The following SLC37A3 variants were observed in gnomAD, a reference collection of about 807,000 sequenced individuals.
The protein encoded by SLC37A3 is solute carrier family 37 member 3, also known as sugar phosphate exchanger 3.
A neutral mutation model predicts 67.1 loss-of-function variants in SLC37A3; 51 were observed. The observed-to-expected ratio is 0.76, with a 90% confidence interval of 0.61 to 0.96. The LOEUF is 0.96. Ranked by LOEUF, SLC37A3 falls within the 40% of genes least tolerant of loss-of-function variation. The pLI, the probability that SLC37A3 is intolerant of heterozygous loss-of-function variation, is 0.00. For synonymous variants in SLC37A3, 214 were observed against 231.4 expected (o/e 0.92, Z 0.68); for missense variants, 508 against 603.0 (o/e 0.84, Z 1.65).
chr7:140,350,734 A>T (rs1796759329), intron 9 of SLC37A3, among the ~76,000 whole-genome samples: 1 of 152,204 alleles, frequency 6.6e-6, no homozygotes, highest in Non-Finnish European at 1.5e-5. Context: ...ACTGCACTCC[A>T]GCCTGGGTGA....
intron 6 of SLC37A3, 127 bp from the exon 7 acceptor site, chr7:140,355,891 T>C: frequency 1.3e-6 from 1 of 751,940 alleles, no homozygotes; most frequent in Non-Finnish European, 2.2e-6. Flanking sequence ...ATTTAAAAAG[T>C]TTTTAAAAAT....
At chr7:140,342,969 C>T (rs1796415699) in intron 13 of SLC37A3, among the ~76,000 whole-genome samples, 1 of 152,148 alleles carries the variant, frequency 6.6e-6, no homozygotes, top group African/African-American at 2.4e-5. Flanking sequence ...AGTCCATGGC[C>T]ATGTCTGGCG....
intron 6 of SLC37A3, among the ~76,000 whole-genome samples, chr7:140,356,763 A>G (rs1053726796): frequency 6.6e-6 from 1 of 152,194 alleles, no homozygotes; most frequent in Non-Finnish European, 1.5e-5. Flanking sequence ...TAAAGTCACA[A>G]TGCGATATCA....
rs185011725 is a variant in SLC37A3 at position 140,371,221 on chromosome 7, G to A, written c.199-1539C>T. On this transcript the variant is annotated intron_variant, in intron 3 of 14. Coordinates refer to ENST00000326232, the MANE Select transcript of SLC37A3 (RefSeq NM_207113.3). ...GACAGAGTCTCACTCTGTTGCCCAG[G>A]TTAGAGGGCAGTGGCACAATCTTGG... Among the ~76,000 whole-genome samples the A allele has an allele frequency of 3.0e-3, 460 of 152,162 alleles. 1 individual carries two copies. The highest frequency in any genetic ancestry group is 0.01 in the African/African-American group (432 of 41,516).
intron 2 of SLC37A3, 93 bp downstream of exon 2, chr7:140,382,345 A>ATT (rs1791167362): frequency 1.0e-6 from 1 of 991,956 alleles, no homozygotes; most frequent in African/African-American, 1.6e-5. Context: ...TTATAAGTGT[A>ATT]TGCCCATCAG....
intron 7 of SLC37A3, 124 bp downstream of exon 7, chr7:140,355,543 TG>T (rs764707454): frequency 8.0e-6 from 7 of 870,936 alleles, no homozygotes; most frequent in Non-Finnish European, 1.2e-5. Flanking sequence ...ATACAAGCCT[TG>T]CCCTATCCAG....
rs558974013 is a variant in SLC37A3 at position 140,351,274 on chromosome 7, G to A, written c.881C>T (p.Pro294Leu). 962 of 1,613,690 alleles carry A rather than the reference G, an allele frequency of 6.0e-4. 14 individuals are homozygous for A. The South Asian group carries it at 8.1e-3, about 14-fold the overall frequency. ...YQACCLPGVI[P>L]YSLAYACLKL... ...TGGTAAGATGTAAGCGGTCCTTACCGGTATGACTCCAGGAAGGCAACATGC... is the reference window on the plus strand; with the variant it reads ...TGGTAAGATGTAAGCGGTCCTTACCAGTATGACTCCAGGAAGGCAACATGC... Residue 294 changes from proline (P) to leucine (L), a missense_variant and splice_region_variant, in exon 9 of 15, where the codon CCG (proline) becomes CTG (leucine). Physicochemically the swap from Pro to Leu is moderately conservative, Grantham distance 98 (BLOSUM62 -3). Coordinates refer to ENST00000326232, the MANE Select transcript of SLC37A3 (RefSeq NM_207113.3).
At chr7:140,367,245 T>C (rs1797638977) in intron 4 of SLC37A3, among the ~76,000 whole-genome samples, 1 of 152,102 alleles carries the variant, frequency 6.6e-6, no homozygotes, top group African/African-American at 2.4e-5. Flanking sequence ...GAGACCAGCC[T>C]GGCCAACACG....
At chr7:140,368,553 G>A (rs552184875) in intron 4 of SLC37A3, among the ~76,000 whole-genome samples, 1 of 151,958 alleles carries the variant, frequency 6.6e-6, no homozygotes, top group East Asian at 1.9e-4. Flanking sequence ...GGCGACAAGT[G>A]CAAAACTCTG....
Position 140,335,323 on chromosome 7 carries a change from G to C in SLC37A3, c.*89C>G. The C allele has an allele frequency of 6.2e-7, 1 of 1,614,126 alleles. No homozygotes were observed. The highest frequency in any genetic ancestry group is 2.2e-5 in the East Asian group (1 of 44,868). On this transcript the variant is annotated 3_prime_UTR_variant, in exon 15 of 15. Coordinates refer to ENST00000326232, the MANE Select transcript of SLC37A3 (RefSeq NM_207113.3). ...CCTGACAATCCAAGATCAGGCTGGA[G>C]CTCCTAGACAAACCCAAATTAGGGC...
At chr7:140,354,499 A>G (rs1026427570) in intron 7 of SLC37A3, among the ~76,000 whole-genome samples, 4 of 152,070 alleles carry the variant, frequency 2.6e-5, no homozygotes, top group African/African-American at 9.7e-5. Flanking sequence ...ATAAGAACAG[A>G]GATTTTTGTC....
intron 14 of SLC37A3, 31 bp from the exon 15 acceptor site, chr7:140,335,535 G>C: frequency 6.2e-7 from 1 of 1,604,820 alleles, no homozygotes; most frequent in East Asian, 2.2e-5. Flanking sequence ...TAAATATGCA[G>C]CAACAGTTTA....
At position 140,382,587 on chromosome 7, in the gene SLC37A3, T is replaced by C; in HGVS notation, c.-61A>G. The C allele has an allele frequency of 7.0e-7, 1 of 1,433,208 alleles. No homozygotes were observed. The highest frequency in any genetic ancestry group is 1.4e-5 in the African/African-American group (1 of 71,244). The allele number at this position is 1,433,208 out of a possible 1,614,324, so 88.8% of individuals were successfully genotyped here. A position where few individuals can be genotyped will look rare whatever the true frequency, so the allele number is the denominator to read the frequency against. Reference sequence around the variant, plus strand: ...AGGTTTGGATGAGTGATTTACATCATTTCTTCCTTCTGGAAAGACAAAACA... The same window carrying C: ...AGGTTTGGATGAGTGATTTACATCACTTCTTCCTTCTGGAAAGACAAAACA... On this transcript the variant is annotated 5_prime_UTR_variant, in exon 2 of 15. It removes an upstream start codon present in the reference 5' UTR. Transcript: ENST00000326232.
chr7:140,361,939 G>T (rs1014021484), intron 5 of SLC37A3, among the ~76,000 whole-genome samples: 4 of 145,670 alleles, frequency 2.7e-5, no homozygotes, highest in Non-Finnish European at 6.1e-5. Context: ...GCCCCCCAAA[G>T]TGCCGAGATT....
chr7:140,351,964 G>C, intron 8 of SLC37A3, 98 bp downstream of exon 8: 2 of 1,232,784 alleles, frequency 1.6e-6, no homozygotes, highest in Non-Finnish European at 2.3e-6. Context: ...GGAGCTCAGA[G>C]TTTTCCTAGG....
In SLC37A3 at chr7:140,368,017, C is replaced by T. The variant is rs541924158; in HGVS notation, c.291+1573G>A. Among the ~76,000 whole-genome samples, 5 of 152,058 alleles carry T rather than the reference C, an allele frequency of 3.3e-5. No individual in the cohort carries two copies. In the East Asian group the frequency reaches 9.7e-4, roughly 30 times the overall value. On this transcript the variant is annotated intron_variant, in intron 4 of 14. Transcript: ENST00000326232. Reference sequence around the variant, plus strand: ...TTATTGGAAATGGGGTTTCTTCATGCTGGCCAGGATGGTCTCAAACTCCTG... The same window carrying T: ...TTATTGGAAATGGGGTTTCTTCATGTTGGCCAGGATGGTCTCAAACTCCTG...
At chr7:140,371,177 T>C (rs1001106251) in intron 3 of SLC37A3, among the ~76,000 whole-genome samples, 1 of 152,152 alleles carries the variant, frequency 6.6e-6, no homozygotes, top group Non-Finnish European at 1.5e-5. Context: ...TCTATTTTTA[T>C]TTATTTATTT....
At chr7:140,347,769 A>AC (rs1554420797) in intron 10 of SLC37A3, among the ~76,000 whole-genome samples, 6 of 151,974 alleles carry the variant, frequency 3.9e-5, no homozygotes, top group African/African-American at 1.2e-4. Context: ...AAAAAAAAAA[A>AC]AAACCACTAT....
intron 12 of SLC37A3, chr7:140,344,220 G>C (rs1215451641): frequency 6.6e-6 from 1 of 152,528 alleles, no homozygotes; most frequent in African/African-American, 2.4e-5. Flanking sequence ...CTGAAGTCAG[G>C]AGTTCGAGAC....
Sources: gnomAD v4.1 joint callset for allele counts (sites outside exome capture counted in the v4.1 genomes callset) on GRCh38, gnomAD v4.1.1 for gene constraint, MANE v1.5 for transcripts, NCBI Gene and HGNC (gene_info 2026-07-23, HGNC 2026-07-21) for gene names.